The following CMKLR1 variants were observed in gnomAD, a reference collection of about 807,000 sequenced individuals.
The protein encoded by CMKLR1 is chemerin-like receptor 1.
In CMKLR1, 6 loss-of-function variants were observed where a neutral mutation model predicts 8.2. That is an observed-to-expected ratio of 0.73 (90% CI 0.40 to 1.44). The LOEUF is 1.44. Among genes scored for constraint, CMKLR1 ranks in the 40% most tolerant of loss-of-function variants. The pLI, the probability that CMKLR1 is intolerant of heterozygous loss-of-function variation, is 0.02. For synonymous variants in CMKLR1, 178 were observed against 181.2 expected, an observed-to-expected ratio of 0.98 and a Z score of 0.14; for missense variants, 429 against 478.0, an observed-to-expected ratio of 0.90 and a Z score of 0.96.
chr12:108,304,080 G>T, intron 2 of CMKLR1, among the ~76,000 whole-genome samples: 1 of 152,220 alleles, frequency 6.6e-6, no homozygotes, highest in East Asian at 1.9e-4. Flanking sequence ...CCTCACACCT[G>T]CCTGGTTGGT....
intron 2 of CMKLR1, among the ~76,000 whole-genome samples, chr12:108,329,362 G>A (rs770994800): frequency 2.0e-5 from 3 of 152,148 alleles, no homozygotes; most frequent in Non-Finnish European, 4.4e-5. Flanking sequence ...AGCTCTCCCT[G>A]CCTAAAATCT....
chr12:108,321,783 G>T (rs931676692), intron 2 of CMKLR1, among the ~76,000 whole-genome samples: 1 of 152,108 alleles, frequency 6.6e-6, no homozygotes, highest in Non-Finnish European at 1.5e-5. Flanking sequence ...TCCAGCCAAG[G>T]CTCTCTCTCT....
At chr12:108,323,677 C>A (rs1429612603) in intron 2 of CMKLR1, among the ~76,000 whole-genome samples, 1 of 152,228 alleles carries the variant, frequency 6.6e-6, no homozygotes, top group Non-Finnish European at 1.5e-5. Context: ...AAGTTGCCAT[C>A]TGGTCCAATG....
At chr12:108,301,082 T>G (rs1891256950) in intron 2 of CMKLR1, among the ~76,000 whole-genome samples, 1 of 147,754 alleles carries the variant, frequency 6.8e-6, no homozygotes, top group Non-Finnish European at 1.5e-5. Flanking sequence ...TTTTTTTTTT[T>G]TTTTTTTTTT....
At position 108,291,946 on chromosome 12, in the gene CMKLR1, A is replaced by C. The variant is rs1478665448; in HGVS notation, c.1017T>G (p.Ser339Arg). 1 of 1,614,022 alleles carries C rather than the reference A, an allele frequency of 6.2e-7. No individual in the cohort carries two copies. The highest frequency in any genetic ancestry group is 8.5e-7 in the Non-Finnish European group (1 of 1,180,038). Reference protein sequence around the residue: ...ALFSRLVNALSEDTGHSSYPS... With the variant: ...ALFSRLVNALREDTGHSSYPS... ...GGTAGGAAGAGTGGCCTGTATCTTC[A>C]CTTAGAGCATTGACCAGGCGAGAGA... The change falls in exon 4 of 4, where the codon AGT (serine) becomes AGG (arginine). Residue 339 changes from serine to arginine, a missense_variant. Physicochemically the swap from Ser to Arg is moderately radical, Grantham distance 110. Transcript: ENST00000550402.
At chr12:108,311,781 C>T (rs903616214) in intron 2 of CMKLR1, among the ~76,000 whole-genome samples, 6 of 152,186 alleles carry the variant, frequency 3.9e-5, no homozygotes, top group Non-Finnish European at 7.4e-5. Flanking sequence ...GTGAAGTCAG[C>T]GACCCCTGAC....
At chr12:108,305,409 C>T (rs919470179) in intron 2 of CMKLR1, among the ~76,000 whole-genome samples, 4 of 152,184 alleles carry the variant, frequency 2.6e-5, no homozygotes, top group African/African-American at 7.2e-5. Context: ...TGTAATGAGG[C>T]GGGCCAGTCA....
At chr12:108,324,400 C>T (rs1216244240) in intron 2 of CMKLR1, among the ~76,000 whole-genome samples, 1 of 152,154 alleles carries the variant, frequency 6.6e-6, no homozygotes, top group Non-Finnish European at 1.5e-5. Context: ...CCTATTCCCT[C>T]CAATATACAA....
chr12:108,321,423 C>A (rs528356849), intron 2 of CMKLR1, among the ~76,000 whole-genome samples: 1 of 152,032 alleles, frequency 6.6e-6, no homozygotes, highest in South Asian at 2.1e-4. Flanking sequence ...CAGAGTGAGA[C>A]CCTGTCTCCA....
rs555444280 is a variant in CMKLR1, at chr12:108,317,452, G to A, written c.-74+12543C>T. Among the ~76,000 whole-genome samples the A allele has an allele frequency of 4.6e-5, 7 of 152,346 alleles. No individual in the cohort carries two copies. The South Asian group carries it at 1.0e-3, about 23-fold the overall frequency. ...AGTGCATCACGGTCATGAGGATGAT[G>A]TGGACACTGGAGGGAGGGGTGGGCT... On this transcript the variant is annotated intron_variant, in intron 2 of 3. Transcript: ENST00000550402.
At chr12:108,334,742 T>G (rs763690566) in intron 1 of CMKLR1, among the ~76,000 whole-genome samples, 1 of 152,248 alleles carries the variant, frequency 6.6e-6, no homozygotes, top group Non-Finnish European at 1.5e-5. Context: ...TCTTTTGCTA[T>G]GAGCTGTGTG....
At chr12:108,309,219 T>C (rs928618450) in intron 2 of CMKLR1, among the ~76,000 whole-genome samples, 1 of 152,154 alleles carries the variant, frequency 6.6e-6, no homozygotes, top group Non-Finnish European at 1.5e-5. Flanking sequence ...AAAAATACAA[T>C]GAATATAATA....
chr12:108,314,736 T>C (rs1001512528), intron 2 of CMKLR1, among the ~76,000 whole-genome samples: 3 of 152,132 alleles, frequency 2.0e-5, no homozygotes, highest in Admixed American at 6.5e-5. Flanking sequence ...TCTTTCTTTT[T>C]TCCCCCTCCC....
intron 2 of CMKLR1, among the ~76,000 whole-genome samples, chr12:108,297,478 C>A (rs1891167398): frequency 6.6e-6 from 1 of 152,118 alleles, no homozygotes; most frequent in Non-Finnish European, 1.5e-5. Flanking sequence ...TCCCCTAACC[C>A]CTGACTTGTT....
intron 2 of CMKLR1, among the ~76,000 whole-genome samples, chr12:108,303,426 C>T (rs548239502): frequency 4.6e-5 from 7 of 152,340 alleles, no homozygotes; most frequent in South Asian, 2.1e-4. Flanking sequence ...AACAAATACA[C>T]GTACAGTCCT....
At chr12:108,323,783 C>T (rs1012688089) in intron 2 of CMKLR1, among the ~76,000 whole-genome samples, 1 of 152,220 alleles carries the variant, frequency 6.6e-6, no homozygotes, top group East Asian at 1.9e-4. Context: ...GATATCCAAT[C>T]TAGCGCCTCA....
chr12:108,310,490 A>G (rs1891528025), intron 2 of CMKLR1, among the ~76,000 whole-genome samples: 1 of 152,170 alleles, frequency 6.6e-6, no homozygotes, highest in Non-Finnish European at 1.5e-5. Flanking sequence ...TGGAGGCTCC[A>G]GGCATCAGGA....
intron 2 of CMKLR1, among the ~76,000 whole-genome samples, chr12:108,309,187 G>A (rs1195283112): frequency 1.3e-5 from 2 of 152,172 alleles, no homozygotes; most frequent in African/African-American, 4.8e-5. Context: ...CTGGTTCATC[G>A]GAAGCTCTAT....
chr12:108,331,640 A>T (rs935833229), intron 1 of CMKLR1, among the ~76,000 whole-genome samples: 1 of 152,204 alleles, frequency 6.6e-6, no homozygotes, highest in Non-Finnish European at 1.5e-5. Context: ...GAATCTTGAG[A>T]TGGTGGGATT....
Sources: allele counts gnomAD v4.1 joint callset (sites outside exome capture counted in the v4.1 genomes callset), GRCh38; gene constraint gnomAD v4.1.1; transcripts MANE v1.5; gene names NCBI Gene and HGNC (gene_info 2026-07-23, HGNC 2026-07-21).